OSGIN1: variants seen among roughly 807,000 people sequenced by gnomAD.
The protein encoded by OSGIN1 is oxidative stress induced growth inhibitor 1.
Under a neutral mutation model 20.1 loss-of-function variants are expected in OSGIN1, and 19 were observed. That is an observed-to-expected ratio of 0.95 (90% CI 0.66 to 1.39). The LOEUF (loss-of-function observed/expected upper bound fraction) is 1.39. Ranked by LOEUF, OSGIN1 falls within the 40% of genes most tolerant of loss-of-function variation. The probability of loss-of-function intolerance (pLI) is 0.00; values close to 1 mark genes in which losing one functional copy is unlikely to be tolerated. For missense variants in OSGIN1, 820 were observed against 653.0 expected, an observed-to-expected ratio of 1.26 and a Z score of -2.79; for synonymous variants, 368 against 297.8, an observed-to-expected ratio of 1.24 and a Z score of -2.43.
intron 2 of OSGIN1, among the ~76,000 whole-genome samples, chr16:83,958,707 T>G (rs753832209): frequency 6.6e-6 from 1 of 152,196 alleles, no homozygotes; most frequent in Non-Finnish European, 1.5e-5. Flanking sequence ...AGCGCAGTTC[T>G]TCAGACGTGC....
In OSGIN1 at chr16:83,961,936, C is replaced by CTAA. The variant is rs1342406260; in HGVS notation, c.488+867_488+869dup. 6.6e-5 allele frequency among the ~76,000 whole-genome samples: 10 copies of CTAA among 151,648 alleles called. No individual in the cohort carries two copies. In the South Asian group the frequency reaches 1.7e-3, roughly 25 times the overall value. Reference sequence around the variant, plus strand: ...GCCTAGAACAATCTTTCTGGGTCAGCTAATAGGGTGACTTTCTTTTTTCTT... The same window carrying CTAA: ...GCCTAGAACAATCTTTCTGGGTCAGCTAATAATAGGGTGACTTTCTTTTTTCTT... On this transcript the variant is annotated intron_variant, in intron 5 of 5. Transcript: ENST00000393306.
Position 83,965,395 on chromosome 16 carries a change from C to A in OSGIN1, c.822C>A (p.Ala274=), listed in dbSNP as rs3743627. The A allele has an allele frequency of 4.4e-6, 7 of 1,574,488 alleles. No homozygotes were observed. Among genetic ancestry groups the A allele is most frequent in the Middle Eastern group, 1.7e-4 (1 of 5,940 alleles). The change falls in exon 6 of 6, where the codon GCC becomes GCA. Residue 274 remains alanine, a synonymous_variant. Coordinates refer to ENST00000393306, the MANE Select transcript of OSGIN1 (RefSeq NM_182981.3). Reference sequence around the variant, plus strand: ...ACCATGAGCTGTCTGCCCTGGAGGCCGCCACAAGGGTGGGTGCGGTGACCC... The same window carrying A: ...ACCATGAGCTGTCTGCCCTGGAGGCAGCCACAAGGGTGGGTGCGGTGACCC... ...FIHHELSALE[A]ATRVGAVTPA... is the part of the protein sequence containing the mutation.
At position 83,965,063 on chromosome 16, in the gene OSGIN1, G is replaced by A. The variant is rs767778426; in HGVS notation, c.490G>A (p.Gly164Ser). 1.0e-5 allele frequency: 16 copies of A among 1,583,802 alleles called. No homozygotes were observed. The highest frequency in any genetic ancestry group is 2.7e-5 in the African/African-American group (2 of 74,400). ...VKDWMQKKRR[G>S]LRNSRATAGD... ...GGCGTCCTGCATCCTCCCCAACAGA[G>A]GTCTTCGCAACAGCCGGGCCACTGC... The change falls in exon 6 of 6, where the codon GGT (glycine) becomes AGT (serine). Residue 164 changes from glycine to serine, a missense_variant and splice_region_variant. Gly to Ser is a moderately conservative substitution (Grantham distance 56, BLOSUM62 0). Coordinates refer to ENST00000393306, the MANE Select transcript of OSGIN1 (RefSeq NM_182981.3).
chr16:83,957,298 A>G (rs1310027922), intron 1 of OSGIN1, among the ~76,000 whole-genome samples: 1 of 152,132 alleles, frequency 6.6e-6, no homozygotes, highest in African/African-American at 2.4e-5. Flanking sequence ...TTGGGCAGGA[A>G]TGGCCTCTCG....
Position 83,956,189 on chromosome 16 carries a change from C to T in OSGIN1, c.-32-1451C>T, listed in dbSNP as rs191692612. Among the ~76,000 whole-genome samples the T allele has an allele frequency of 2.4e-4, 37 of 152,280 alleles. No homozygotes were observed. In the East Asian group the frequency reaches 6.2e-3, roughly 25 times the overall value. On this transcript the variant is annotated intron_variant, in intron 1 of 5. Transcript: ENST00000393306. ...GCGACACATAGGTCCTCTCAGTGGCCCATCTGTGTGGCAGTTTCTCATCCC... is the reference window on the plus strand; with the variant it reads ...GCGACACATAGGTCCTCTCAGTGGCTCATCTGTGTGGCAGTTTCTCATCCC...
intron 2 of OSGIN1, among the ~76,000 whole-genome samples, chr16:83,958,170 C>T (rs529373130): frequency 6.6e-6 from 1 of 152,226 alleles, no homozygotes; most frequent in Non-Finnish European, 1.5e-5. Context: ...AACCACCATG[C>T]CTGGCCCAGG....
At chr16:83,964,905 G>C (rs764760751) in intron 5 of OSGIN1, among the ~76,000 whole-genome samples, 157 bp from the exon 6 acceptor site, 2 of 152,256 alleles carry the variant, frequency 1.3e-5, no homozygotes, top group African/African-American at 2.4e-5. Flanking sequence ...CAGAAGAGGA[G>C]ACTGAGGCTT....
chr16:83,957,922 G>A (rs566835769), intron 2 of OSGIN1, among the ~76,000 whole-genome samples, 184 bp downstream of exon 2: 4 of 151,948 alleles, frequency 2.6e-5, no homozygotes, highest in African/African-American at 9.7e-5. Context: ...TGTCGCCCAG[G>A]CTGGAGTGCA....
intron 3 of OSGIN1, among the ~76,000 whole-genome samples, chr16:83,960,171 AC>A (rs1041022164): frequency 1.4e-4 from 22 of 152,166 alleles, no homozygotes; most frequent in African/African-American, 5.3e-4. Flanking sequence ...CTCCAGTAAA[AC>A]AGGGACACAC....
intron 2 of OSGIN1, 114 bp downstream of exon 2, chr16:83,957,852 GTTTATTT>G (rs1216954096): frequency 4.9e-5 from 20 of 409,232 alleles, no homozygotes; most frequent in Non-Finnish European, 7.0e-5. Flanking sequence ...CGTTTTTGGG[GTTTATTT>G]TTTATTTATT....
At chr16:83,961,385 G>C (rs1368457378) in intron 5 of OSGIN1, 6 of 370,364 alleles carry the variant, frequency 1.6e-5, no homozygotes, top group African/African-American at 1.3e-4. Context: ...GTAGGTGAGA[G>C]ATAAACAGTT....
chr16:83,954,135 C>G (rs1465193756), intron 1 of OSGIN1: 1 of 152,306 alleles, frequency 6.6e-6, no homozygotes, highest in African/African-American at 2.4e-5. Context: ...AAGACGCCCA[C>G]TCCTCCTGAC....
chr16:83,954,305 A>G (rs2151074053), intron 1 of OSGIN1: 1 of 152,390 alleles, frequency 6.6e-6, no homozygotes, highest in Admixed American at 6.5e-5. Flanking sequence ...CCTCAGAAGT[A>G]CAAATGCCGC....
In OSGIN1 at chr16:83,965,573, T is replaced by C; in HGVS notation, c.1000T>C (p.Tyr334His). Residue 334 changes from tyrosine to histidine, a missense_variant, in exon 6 of 6, where the codon TAC (tyrosine) becomes CAC (histidine). Coordinates refer to ENST00000393306, the MANE Select transcript of OSGIN1 (RefSeq NM_182981.3). Reference sequence around the variant, plus strand: ...GTTCAACCAGCTGCCCAAGATGCTGTACCCCGAGTACCACAAGGTGCACCA... The same window carrying C: ...GTTCAACCAGCTGCCCAAGATGCTGCACCCCGAGTACCACAAGGTGCACCA... ...LVFNQLPKML[Y>H]PEYHKVHQMM... The C allele has an allele frequency of 6.2e-7, 1 of 1,612,980 alleles. No homozygotes were observed. Among genetic ancestry groups the C allele is most frequent in the Non-Finnish European group, 8.5e-7 (1 of 1,180,014 alleles).
intron 5 of OSGIN1, among the ~76,000 whole-genome samples, chr16:83,962,469 C>T (rs376640832): frequency 3.3e-5 from 5 of 152,186 alleles, no homozygotes; most frequent in Admixed American, 2.6e-4. Flanking sequence ...TCTCGATCTC[C>T]TGATCTCGTG....
chr16:83,957,330 G>C (rs146512204), intron 1 of OSGIN1, among the ~76,000 whole-genome samples: 3 of 152,068 alleles, frequency 2.0e-5, no homozygotes, highest in Non-Finnish European at 2.9e-5. Context: ...AATGAGTTTC[G>C]GGGACTGTTA....
At position 83,960,555 on chromosome 16, in the gene OSGIN1, A is replaced by T; in HGVS notation, c.205-14A>T. 6.2e-7 allele frequency: 1 copy of T among 1,610,150 alleles called. No homozygotes were observed. The highest frequency in any genetic ancestry group is 8.5e-7 in the Non-Finnish European group (1 of 1,177,918). On this transcript the variant is annotated splice_polypyrimidine_tract_variant and intron_variant, in intron 3 of 5. Coordinates refer to ENST00000393306, the MANE Select transcript of OSGIN1 (RefSeq NM_182981.3). The stretch of plus-strand genomic sequence containing the variant: ...CCTCCTCCAGCAGCCCCTCTGACCT[A>T]TGCCCCCCTCCAGGACCTGGACTAC...
At chr16:83,958,948 C>T (rs924469946) in intron 2 of OSGIN1, among the ~76,000 whole-genome samples, 3 of 152,202 alleles carry the variant, frequency 2.0e-5, no homozygotes, top group African/African-American at 4.8e-5. Flanking sequence ...AACTTAACCT[C>T]TCTGTGCCCA....
rs1197222068 is a variant in OSGIN1, at chr16:83,961,946, GAC to G, written c.488+875_488+876del. ...ATCTTTCTGGGTCAGCTAATAGGGT[GAC>G]TTTCTTTTTTCTTTTCTTTTTTTTT... is the stretch of plus-strand genomic sequence containing the variant. On this transcript the variant is annotated intron_variant, in intron 5 of 5. Transcript: ENST00000393306. Among the ~76,000 whole-genome samples, 11 of 150,826 alleles carry G rather than the reference GAC, an allele frequency of 7.3e-5. No individual in the cohort carries two copies. The East Asian group carries it at 2.1e-3, about 29-fold the overall frequency.
Sources: gnomAD v4.1 joint callset for allele counts (sites outside exome capture counted in the v4.1 genomes callset) on GRCh38, gnomAD v4.1.1 for gene constraint, MANE v1.5 for transcripts, NCBI Gene and HGNC (gene_info 2026-07-23, HGNC 2026-07-21) for gene names.